Variants in EYA1 observed in about 807,000 individuals in gnomAD.
The protein encoded by EYA1 is EYA transcriptional coactivator and phosphatase 1, also known as protein phosphatase EYA1.
A neutral mutation model predicts 82.0 loss-of-function variants in EYA1; 16 were observed. The observed-to-expected ratio is 0.20, with a 90% confidence interval of 0.13 to 0.30. The LOEUF (loss-of-function observed/expected upper bound fraction) is 0.30. Among genes scored for constraint, EYA1 ranks in the 10% least tolerant of loss-of-function variants. The pLI, the probability that EYA1 is intolerant of heterozygous loss-of-function variation, is 1.00. For synonymous variants in EYA1, 261 were observed against 264.4 expected (o/e 0.99, Z 0.12); for missense variants, 633 against 730.7 (o/e 0.87, Z 1.54).
At chr8:71,390,057 T>C (rs569211532) in intron 2 of EYA1, among the ~76,000 whole-genome samples, 2 of 152,308 alleles carry the variant, frequency 1.3e-5, no homozygotes, top group South Asian at 2.1e-4. Flanking sequence ...CTTTAAGATT[T>C]GGAGGTAATG....
chr8:71,407,356 G>A lies in EYA1; in HGVS notation c.34-50845C>T, dbSNP rs1463326104. Among the ~76,000 whole-genome samples, 90 of 134,236 alleles carry A rather than the reference G, an allele frequency of 6.7e-4. 1 individual carries two copies. Among genetic ancestry groups the A allele is most frequent in the Middle Eastern group, 3.8e-3 (1 of 260 alleles). 88.1% of individuals were successfully genotyped at this position (134,236 alleles called of 152,430 possible). A position where few individuals can be genotyped will look rare whatever the true frequency, so the allele number is the denominator to read the frequency against. On this transcript the variant is annotated intron_variant, in intron 2 of 18. Coordinates refer to the EYA1 transcript ENST00000643681. ...AGGAACGCAGTTCCTCACCAGCAACGGAACAAAGCTGGATGGAGAATGACT... is the reference window on the plus strand; with the variant it reads ...AGGAACGCAGTTCCTCACCAGCAACAGAACAAAGCTGGATGGAGAATGACT...
At chr8:71,511,686 C>T (rs1812606796) in intron 2 of EYA1, among the ~76,000 whole-genome samples, 1 of 152,192 alleles carries the variant, frequency 6.6e-6, no homozygotes, top group African/African-American at 2.4e-5. Context: ...AGCTGTTAGA[C>T]ATCCTGTAAG....
At chr8:71,265,550 G>A (rs1488875849) in intron 11 of EYA1, among the ~76,000 whole-genome samples, 1 of 152,310 alleles carries the variant, frequency 6.6e-6, no homozygotes, top group East Asian at 1.9e-4. Flanking sequence ...AACAATCAAG[G>A]CGTTGAGTGT....
chr8:71,322,473 A>G, intron 4 of EYA1: 1 of 580,384 alleles, frequency 1.7e-6, no homozygotes, highest in South Asian at 2.0e-5. Flanking sequence ...GAAACTGATT[A>G]AGGGCTCTAG....
intron 2 of EYA1, among the ~76,000 whole-genome samples, chr8:71,452,169 T>C (rs1299149721): frequency 6.6e-6 from 1 of 152,174 alleles, no homozygotes; most frequent in African/African-American, 2.4e-5. Flanking sequence ...GCCTCACTCA[T>C]TGCTAGCACA....
intron 2 of EYA1, among the ~76,000 whole-genome samples, chr8:71,367,875 A>G (rs1209772917): frequency 1.3e-5 from 2 of 152,226 alleles, no homozygotes; most frequent in East Asian, 1.9e-4. Context: ...CAATAGCTTC[A>G]GTTTGTTCAA....
intron 2 of EYA1, among the ~76,000 whole-genome samples, chr8:71,492,022 A>C (rs1036158622): frequency 5.9e-5 from 9 of 152,158 alleles, no homozygotes; most frequent in Non-Finnish European, 1.2e-4. Context: ...CTAGATGGCA[A>C]CCATCAGCCC....
intron 17 of EYA1, among the ~76,000 whole-genome samples, chr8:71,203,760 G>A (rs1000260347): frequency 2.6e-5 from 4 of 152,168 alleles, no homozygotes; most frequent in African/African-American, 7.2e-5. Context: ...GGCAGCAGTC[G>A]GGAAGGATGG....
chr8:71,385,743 T>G (rs1207285853), intron 2 of EYA1, among the ~76,000 whole-genome samples: 3 of 152,218 alleles, frequency 2.0e-5, no homozygotes, highest in Non-Finnish European at 4.4e-5. Context: ...GAAACCCCAC[T>G]TTAAAAATCC....
At chr8:71,476,342 C>T (rs759658456) in intron 2 of EYA1, among the ~76,000 whole-genome samples, 2 of 152,116 alleles carry the variant, frequency 1.3e-5, no homozygotes, top group Non-Finnish European at 2.9e-5. Flanking sequence ...ATATTCAAAT[C>T]TCTAGCTACA....
chr8:71,384,494 A>T (rs545265596), intron 2 of EYA1, among the ~76,000 whole-genome samples: 1 of 152,300 alleles, frequency 6.6e-6, no homozygotes, highest in Non-Finnish European at 1.5e-5. Context: ...GTACCTTACA[A>T]ATATCTGGAT....
intron 10 of EYA1, among the ~76,000 whole-genome samples, chr8:71,270,607 A>G (rs1816405142): frequency 6.6e-6 from 1 of 152,228 alleles, no homozygotes; most frequent in South Asian, 2.1e-4. Flanking sequence ...TTCAGCCAAA[A>G]TAATCATGTT....
chr8:71,383,094 ATT>A (rs5892276), intron 2 of EYA1, among the ~76,000 whole-genome samples: 1 of 149,780 alleles, frequency 6.7e-6, no homozygotes, highest in South Asian at 2.1e-4. Context: ...AACAGCACCT[ATT>A]TTTTTTTTGC....
intron 2 of EYA1, among the ~76,000 whole-genome samples, chr8:71,504,265 G>A (rs970759551): frequency 2.0e-5 from 3 of 152,172 alleles, no homozygotes; most frequent in African/African-American, 7.2e-5. Flanking sequence ...ACTTGGTGGT[G>A]CACAGTTTGC....
At chr8:71,276,350 T>C (rs1466459834) in intron 9 of EYA1, among the ~76,000 whole-genome samples, 2 of 152,160 alleles carry the variant, frequency 1.3e-5, no homozygotes, top group Admixed American at 6.5e-5. Context: ...AGGAGGAATT[T>C]AATTGATGCC....
intron 2 of EYA1, among the ~76,000 whole-genome samples, chr8:71,506,042 G>A (rs374966727): frequency 9.9e-5 from 15 of 152,134 alleles, no homozygotes; most frequent in Non-Finnish European, 1.9e-4. Flanking sequence ...TGCCATGATT[G>A]TAAGTTTCCT....
chr8:71,494,536 C>A (rs558014564), intron 2 of EYA1, among the ~76,000 whole-genome samples: 1 of 152,254 alleles, frequency 6.6e-6, no homozygotes, highest in Non-Finnish European at 1.5e-5. Context: ...AATCAGTATT[C>A]TTTCAAGTAA....
rs763352962 is a variant in EYA1, at chr8:71,354,879, C to A, written c.27G>T (p.Pro9=). Residue 9 remains proline (P), a synonymous_variant, in exon 3 of 18, where the codon CCG becomes CCT. Transcript: ENST00000340726. The stretch of plus-strand genomic sequence containing the variant: ...CACTACTACCACTCAGACGGCTATG[C>A]GGGCTGGTTAGATCCTGCATTTCCA... The part of the protein sequence containing the change: MEMQDLTS[P]HSRLSGSSES... 3 of 1,613,292 alleles carry A rather than the reference C, an allele frequency of 1.9e-6. No homozygotes were observed. Among genetic ancestry groups the A allele is most frequent in the Admixed American group, 1.7e-5 (1 of 59,984 alleles).
chr8:71,308,350 A>T (rs191469677), intron 7 of EYA1, among the ~76,000 whole-genome samples: 1 of 152,338 alleles, frequency 6.6e-6, no homozygotes, highest in African/African-American at 2.4e-5. Flanking sequence ...TAGTAAATTT[A>T]AAAGTAAATT....
Sources: allele counts gnomAD v4.1 joint callset (sites outside exome capture counted in the v4.1 genomes callset), GRCh38; gene constraint gnomAD v4.1.1; transcripts MANE v1.5; gene names NCBI Gene and HGNC (gene_info 2026-07-23, HGNC 2026-07-21).